KIF26B: variants seen among roughly 807,000 people sequenced by gnomAD.
KIF26B encodes the protein kinesin-like protein KIF26B.
Under a neutral mutation model 151.2 loss-of-function variants are expected in KIF26B, and 63 were observed. The ratio of observed to expected loss-of-function variants is 0.42; its 90% confidence interval spans 0.34 to 0.51. KIF26B has a LOEUF of 0.51. Among genes scored for constraint, KIF26B ranks in the 20% least tolerant of loss-of-function variants. KIF26B has a pLI of 0.07. For synonymous variants in KIF26B, 1,357 were observed against 1,262.1 expected (o/e 1.08, Z -1.59); for missense variants, 2,813 against 2,913.6 (o/e 0.97, Z 0.79).
chr1:245,587,507 G>A (rs1470887008), intron 5 of KIF26B, among the ~76,000 whole-genome samples: 1 of 152,124 alleles, frequency 6.6e-6, no homozygotes, highest in Non-Finnish European at 1.5e-5. Flanking sequence ...CCAGGAGTCC[G>A]GGAGAGCTGC....
At chr1:245,176,016 A>T (rs1268795094) in intron 2 of KIF26B, among the ~76,000 whole-genome samples, 1 of 150,012 alleles carries the variant, frequency 6.7e-6, no homozygotes, top group Non-Finnish European at 1.5e-5. Context: ...AGATATAGAT[A>T]TTTTTTTTGA....
At chr1:245,165,186 C>T (rs1018684462) in intron 2 of KIF26B, among the ~76,000 whole-genome samples, 1 of 151,530 alleles carries the variant, frequency 6.6e-6, no homozygotes, top group African/African-American at 2.4e-5. Flanking sequence ...ATGACACAGA[C>T]TGAACTAGGG....
In KIF26B at chr1:245,473,784, A is replaced by AG. The variant is rs562241867; in HGVS notation, c.1166+54043dup. 2.4e-4 allele frequency among the ~76,000 whole-genome samples: 37 copies of AG among 152,042 alleles called. No individual in the cohort carries two copies. The South Asian group carries it at 7.7e-3, about 32-fold the overall frequency. On this transcript the variant is annotated intron_variant, in intron 4 of 14. Coordinates refer to ENST00000407071, the MANE Select transcript of KIF26B (RefSeq NM_018012.4). Reference sequence around the variant, plus strand: ...CTGCTTTTCAGACTATGTTCCAAGGAGGGGCCGGGGTTGCCCAGCTCAAGA... The same window carrying AG: ...CTGCTTTTCAGACTATGTTCCAAGGAGGGGGCCGGGGTTGCCCAGCTCAAGA...
intron 4 of KIF26B, among the ~76,000 whole-genome samples, chr1:245,508,993 A>G (rs1186440500): frequency 6.6e-6 from 1 of 152,234 alleles, no homozygotes; most frequent in Admixed American, 6.5e-5. Context: ...TGTATCATGC[A>G]TGAAAATAGT....
At chr1:245,229,115 T>G (rs1306287868) in intron 2 of KIF26B, among the ~76,000 whole-genome samples, 1 of 152,134 alleles carries the variant, frequency 6.6e-6, no homozygotes, top group African/African-American at 2.4e-5. Flanking sequence ...TACAGGCACG[T>G]GCCACGATAT....
At chr1:245,478,383 G>C (rs1046336860) in intron 4 of KIF26B, among the ~76,000 whole-genome samples, 3 of 150,460 alleles carry the variant, frequency 2.0e-5, no homozygotes, top group African/African-American at 7.3e-5. Flanking sequence ...CTTTTCTCCT[G>C]TGTGAAATGG....
chr1:245,657,957 C>T (rs1249447816), intron 10 of KIF26B, among the ~76,000 whole-genome samples: 1 of 152,188 alleles, frequency 6.6e-6, no homozygotes, highest in African/African-American at 2.4e-5. Flanking sequence ...CTCAGGTGCC[C>T]TTGTGTGATC....
At chr1:245,456,993 G>A (rs990682882) in intron 4 of KIF26B, among the ~76,000 whole-genome samples, 1 of 152,194 alleles carries the variant, frequency 6.6e-6, no homozygotes. Flanking sequence ...AGCCTCCTGT[G>A]TAGCTGGGAC....
At chr1:245,252,276 C>CAAAAAAAAA (rs5782329) in intron 2 of KIF26B, among the ~76,000 whole-genome samples, 1 of 113,766 alleles carries the variant, frequency 8.8e-6, no homozygotes, top group East Asian at 2.6e-4. Context: ...GACCTTGTCT[C>CAAAAAAAAA]AAAAAAAAAA....
chr1:245,338,206 CA>C (rs1431681067), intron 2 of KIF26B, among the ~76,000 whole-genome samples: 1 of 152,210 alleles, frequency 6.6e-6, no homozygotes, highest in African/African-American at 2.4e-5. Flanking sequence ...AAGATTCCTT[CA>C]AAATGGTTTA....
chr1:245,262,018 G>A (rs1401933170), intron 2 of KIF26B, among the ~76,000 whole-genome samples: 1 of 152,160 alleles, frequency 6.6e-6, no homozygotes, highest in Non-Finnish European at 1.5e-5. Context: ...ACTGATAAGT[G>A]TTGTTAACAT....
intron 2 of KIF26B, among the ~76,000 whole-genome samples, chr1:245,362,109 C>T (rs756434916): frequency 6.8e-6 from 1 of 148,054 alleles, no homozygotes; most frequent in Non-Finnish European, 1.5e-5. Context: ...AAGAGAGTCT[C>T]GCGGTGAGAA....
rs1669910295 is a variant in KIF26B at position 245,227,948 on chromosome 1, G to A, written c.465+71265G>A. Among the ~76,000 whole-genome samples the A allele has an allele frequency of 6.6e-6, 1 of 152,204 alleles. No individual in the cohort carries two copies. The highest frequency in any genetic ancestry group is 6.5e-5 in the Admixed American group (1 of 15,280). On this transcript the variant is annotated intron_variant, in intron 2 of 14. Coordinates refer to ENST00000407071, the MANE Select transcript of KIF26B (RefSeq NM_018012.4). The surrounding 1 kb of genome is among the most constrained non-coding windows in gnomAD (Gnocchi z 4.1). ...ACCCGGGAGGCGGAGGTTGCAGTGA[G>A]CTCAGGTTGCGCCTCTGCACTCCAG...
chr1:245,503,651 T>C (rs1301631808), intron 4 of KIF26B, among the ~76,000 whole-genome samples: 4 of 152,222 alleles, frequency 2.6e-5, no homozygotes, highest in Non-Finnish European at 5.9e-5. Context: ...CAGCACCATG[T>C]ATCTGAGGGA....
At chr1:245,422,285 C>T (rs1189135160) in intron 4 of KIF26B, among the ~76,000 whole-genome samples, 1 of 152,048 alleles carries the variant, frequency 6.6e-6, no homozygotes, top group Non-Finnish European at 1.5e-5. Flanking sequence ...ATAGATTTCC[C>T]CCCCACCCTT....
intron 2 of KIF26B, among the ~76,000 whole-genome samples, chr1:245,311,357 C>T (rs1343230758): frequency 7.6e-6 from 1 of 131,530 alleles, no homozygotes; most frequent in African/African-American, 2.9e-5. Context: ...TCAGGCTGGT[C>T]GCTGTCTTGT....
intron 2 of KIF26B, among the ~76,000 whole-genome samples, chr1:245,224,718 A>G (rs1669841187): frequency 6.6e-6 from 1 of 152,224 alleles, no homozygotes; most frequent in South Asian, 2.1e-4. Flanking sequence ...TGTATAACTC[A>G]CTGAATAATT....
At chr1:245,174,146 C>T (rs1050281274) in intron 2 of KIF26B, among the ~76,000 whole-genome samples, 8 of 152,208 alleles carry the variant, frequency 5.3e-5, no homozygotes, top group Admixed American at 5.2e-4. Flanking sequence ...CAGCAATATG[C>T]TCAATGGCAG....
chr1:245,651,113 C>T (rs982416516), intron 10 of KIF26B, among the ~76,000 whole-genome samples: 3 of 152,184 alleles, frequency 2.0e-5, no homozygotes, highest in African/African-American at 7.2e-5. Flanking sequence ...TCCACAAAAG[C>T]GATGAGGACA....
Sources: allele counts gnomAD v4.1 joint callset (sites outside exome capture counted in the v4.1 genomes callset), GRCh38; gene constraint gnomAD v4.1.1; non-coding constraint Gnocchi (gnomAD v3.1); transcripts MANE v1.5; gene names NCBI Gene and HGNC (gene_info 2026-07-23, HGNC 2026-07-21).